Variants in TMEM120B observed in about 807,000 individuals in gnomAD.
TMEM120B encodes transmembrane protein 120B.
Under a neutral mutation model 55.5 loss-of-function variants are expected in TMEM120B, and 31 were observed. The ratio of observed to expected loss-of-function variants is 0.56; its 90% CI spans 0.42 to 0.75. The LOEUF is 0.75. TMEM120B is among the 30% of genes least tolerant of loss of function. The pLI is 0.00. For missense variants in TMEM120B, 399 were observed against 425.5 expected (o/e 0.94, Z 0.55); for synonymous variants, 203 against 176.3 (o/e 1.15, Z -1.20).
In TMEM120B at chr12:121,780,855, TC is replaced by T; in HGVS notation, c.*5134del. ...TCACAGCCACGGCTGTGCCCCAGGG[TC>T]TTGGCCCCGGCCCACCTGCATGTAG... is the stretch of plus-strand genomic sequence containing the variant. On this transcript the variant is annotated 3_prime_UTR_variant, in exon 12 of 12. Transcript: ENST00000449592. The T allele has an allele frequency of 6.2e-7, 1 of 1,609,302 alleles. No homozygotes were observed. Among genetic ancestry groups the T allele is most frequent in the South Asian group, 1.1e-5 (1 of 90,446 alleles).
At position 121,712,833 on chromosome 12, in the gene TMEM120B, G is replaced by C. The variant is rs541145562; in HGVS notation, c.-63G>C. Reference sequence around the variant, plus strand: ...GCGAGCGCGCGGGCGTGGGGCGCTGGGGGGCCGGTCGGGCAGCGCTGCGGG... The same window carrying C: ...GCGAGCGCGCGGGCGTGGGGCGCTGCGGGGCCGGTCGGGCAGCGCTGCGGG... On this transcript the variant is annotated 5_prime_UTR_variant, in exon 1 of 12. Transcript: ENST00000449592. 5 of 1,268,814 alleles carry C rather than the reference G, an allele frequency of 3.9e-6. No individual in the cohort carries two copies. Among genetic ancestry groups the C allele is most frequent in the Admixed American group, 4.2e-5 (1 of 23,742 alleles). 78.6% of individuals were successfully genotyped at this position (1,268,814 alleles called of 1,614,324 possible). A position where few individuals can be genotyped will look rare whatever the true frequency, so the allele number is the denominator to read the frequency against.
intron 10 of TMEM120B, 72 bp from the exon 11 acceptor site, chr12:121,774,990 C>T (rs369512001): frequency 6.5e-7 from 1 of 1,544,360 alleles, no homozygotes. Flanking sequence ...AGGGGCCTGG[C>T]CATCACCCTG....
chr12:121,723,203 C>T (rs1010030473), intron 1 of TMEM120B, among the ~76,000 whole-genome samples: 7 of 151,998 alleles, frequency 4.6e-5, no homozygotes, highest in African/African-American at 1.7e-4. Flanking sequence ...GGTCTAACTC[C>T]ATCGTTCAGG....
In TMEM120B at chr12:121,773,460, G is replaced by T; in HGVS notation, c.719G>T (p.Cys240Phe). ...QFLQYYYQRG[C>F]LYRLRALGER... ...CTGCAATATTATTACCAGAGGGGCTGCCTCTACCGGCTGCGGGCCCTGGGG... is the reference window on the plus strand; with the variant it reads ...CTGCAATATTATTACCAGAGGGGCTTCCTCTACCGGCTGCGGGCCCTGGGG... The change falls in exon 9 of 12, where the codon TGC becomes TTC. Residue 240 changes from cysteine (C) to phenylalanine (F), a missense_variant. Cys to Phe is a radical substitution (Grantham distance 205, BLOSUM62 -2). Coordinates refer to ENST00000449592, the MANE Select transcript of TMEM120B (RefSeq NM_001080825.2). 1 of 1,609,888 alleles carries T rather than the reference G, an allele frequency of 6.2e-7. No individual in the cohort carries two copies. Among genetic ancestry groups the T allele is most frequent in the South Asian group, 1.1e-5 (1 of 90,722 alleles).
rs1451108115 is a variant in TMEM120B at position 121,775,893 on chromosome 12, T to C, written c.*171T>C. The C allele has an allele frequency of 2.9e-6, 2 of 688,748 alleles. No homozygotes were observed. The highest frequency in any genetic ancestry group is 2.7e-5 in the East Asian group (1 of 36,824). 42.7% of individuals were successfully genotyped at this position (688,748 alleles called of 1,614,324 possible). On this transcript the variant is annotated 3_prime_UTR_variant, in exon 12 of 12. Transcript: ENST00000449592. The surrounding 1 kb of genome is among the most constrained non-coding windows in gnomAD (Gnocchi z 4.3). ...GTGAGCCCCGCCTGTCCGCACAGTGTCCGCCCACCTATTTATGACATATTT... is the reference window on the plus strand; with the variant it reads ...GTGAGCCCCGCCTGTCCGCACAGTGCCCGCCCACCTATTTATGACATATTT...
intron 8 of TMEM120B, among the ~76,000 whole-genome samples, chr12:121,772,648 C>T (rs1874104420): frequency 6.6e-6 from 1 of 152,076 alleles, no homozygotes; most frequent in African/African-American, 2.4e-5. Flanking sequence ...GTCTTGAACT[C>T]CTGGCCTCAA....
chr12:121,752,531 T>A (rs1873363346), intron 5 of TMEM120B, among the ~76,000 whole-genome samples: 1 of 151,894 alleles, frequency 6.6e-6, no homozygotes, highest in East Asian at 1.9e-4. Flanking sequence ...GGCAGGCAGA[T>A]CATTTGAGGT....
In TMEM120B at chr12:121,780,838, A is replaced by C. The variant is rs895998057; in HGVS notation, c.*5116A>C. On this transcript the variant is annotated 3_prime_UTR_variant, in exon 12 of 12. Coordinates refer to ENST00000449592, the MANE Select transcript of TMEM120B (RefSeq NM_001080825.2). ...CAAAGGTCCGGGAGGCTTCACAGCC[A>C]CGGCTGTGCCCCAGGGTCTTGGCCC... The C allele has an allele frequency of 1.3e-6, 2 of 1,598,600 alleles. No homozygotes were observed. The highest frequency in any genetic ancestry group is 1.7e-6 in the Non-Finnish European group (2 of 1,172,956).
At chr12:121,771,224 T>C (rs962835284) in intron 7 of TMEM120B, among the ~76,000 whole-genome samples, 4 of 151,602 alleles carry the variant, frequency 2.6e-5, no homozygotes, top group Admixed American at 2.6e-4. Flanking sequence ...AGGGAGCGAG[T>C]GAGGCTGGGC....
intron 9 of TMEM120B, among the ~76,000 whole-genome samples, chr12:121,773,951 CTTTTT>C (rs560321014): frequency 3.1e-5 from 3 of 96,614 alleles, no homozygotes; most frequent in Admixed American, 1.2e-4. Context: ...ACTCTGCTAT[CTTTTT>C]TTTTTTTTTT....
intron 5 of TMEM120B, among the ~76,000 whole-genome samples, chr12:121,757,352 G>GT (rs1275786463): frequency 6.6e-6 from 1 of 151,118 alleles, no homozygotes; most frequent in Non-Finnish European, 1.5e-5. Context: ...GTTTTGTTTT[G>GT]TTTTTTTGAG....
At position 121,743,631 on chromosome 12, in the gene TMEM120B, G is replaced by A. The variant is rs1213231727; in HGVS notation, c.72G>A (p.Glu24=). ...ELEGEFQELQ[E]THRIYKQKLE... ...CCCCCGGGTCCCCTGTTCTTCAGGA[G>A]ACGCACAGGATCTACAAGCAGAAGC... The change falls in exon 2 of 12, where the codon GAG becomes GAA. Residue 24 remains glutamate (E), a splice_region_variant and synonymous_variant. Transcript: ENST00000449592. 4.3e-6 allele frequency: 7 copies of A among 1,613,188 alleles called. No individual in the cohort carries two copies. The highest frequency in any genetic ancestry group is 5.9e-6 in the Non-Finnish European group (7 of 1,179,722).
At chr12:121,768,841 T>C (rs983553861) in intron 6 of TMEM120B, among the ~76,000 whole-genome samples, 8 of 152,108 alleles carry the variant, frequency 5.3e-5, no homozygotes, top group Non-Finnish European at 1.2e-4. Flanking sequence ...TCTACCCAAC[T>C]GTGGATCAGG....
chr12:121,759,684 A>C (rs1245431907), intron 5 of TMEM120B, among the ~76,000 whole-genome samples: 1 of 151,512 alleles, frequency 6.6e-6, no homozygotes, highest in Non-Finnish European at 1.5e-5. Context: ...TGTCAAACAA[A>C]CAAAACGCTT....
At chr12:121,739,244 G>T (rs185621239) in intron 1 of TMEM120B, among the ~76,000 whole-genome samples, 35 of 152,138 alleles carry the variant, frequency 2.3e-4, no homozygotes, top group African/African-American at 7.7e-4. Context: ...TTGGGAGATT[G>T]TTCTAGATTA....
chr12:121,750,352 C>T, intron 3 of TMEM120B, 28 bp from the exon 4 acceptor site: 1 of 1,607,060 alleles, frequency 6.2e-7, no homozygotes, highest in Non-Finnish European at 8.5e-7. Flanking sequence ...TGCTAAGGAT[C>T]ATGCCCCTCA....
chr12:121,769,443 C>T (rs750149565), intron 6 of TMEM120B, among the ~76,000 whole-genome samples: 2 of 152,004 alleles, frequency 1.3e-5, no homozygotes, highest in Non-Finnish European at 2.9e-5. Flanking sequence ...CAGTGGGTCA[C>T]GACTATAATC....
At chr12:121,737,698 T>C (rs539640759) in intron 1 of TMEM120B, among the ~76,000 whole-genome samples, 1 of 151,878 alleles carries the variant, frequency 6.6e-6, no homozygotes, top group South Asian at 2.1e-4. Flanking sequence ...CAGTTCCTAA[T>C]AAAAAATGTG....
At chr12:121,729,653 A>AT (rs1263306860) in intron 1 of TMEM120B, among the ~76,000 whole-genome samples, 1 of 150,290 alleles carries the variant, frequency 6.7e-6, no homozygotes. Flanking sequence ...AAAAAAAAAA[A>AT]GCTGACAGGG....
Sources: gnomAD v4.1 joint callset for allele counts (sites outside exome capture counted in the v4.1 genomes callset) on GRCh38, gnomAD v4.1.1 for gene constraint, Gnocchi (gnomAD v3.1) non-coding constraint, MANE v1.5 for transcripts, NCBI Gene and HGNC (gene_info 2026-07-23, HGNC 2026-07-21) for gene names.